The following ZNF738 variants were observed in gnomAD, a reference collection of about 807,000 sequenced individuals.
The protein encoded by ZNF738 is protein ZNF738.
Under a neutral mutation model 9.2 loss-of-function variants are expected in ZNF738, and 10 were observed. The ratio of observed to expected loss-of-function variants is 1.09; its 90% CI spans 0.67 to 1.85. ZNF738 has a LOEUF of 1.85. Ranked by LOEUF, ZNF738 falls within the 40% of genes most tolerant of loss-of-function variation. ZNF738 has a pLI of 0.00. For missense variants in ZNF738, 346 were observed against 283.6 expected, an observed-to-expected ratio of 1.22 and a Z score of -1.58; for synonymous variants, 113 against 94.5, an observed-to-expected ratio of 1.20 and a Z score of -1.14.
chr19:21,385,328 C>T lies in ZNF738; in HGVS notation c.*1654C>T, dbSNP rs1172269996. Among the ~76,000 whole-genome samples the T allele has an allele frequency of 6.6e-6, 1 of 152,110 alleles. No individual in the cohort carries two copies. Among genetic ancestry groups the T allele is most frequent in the African/African-American group, 2.4e-5 (1 of 41,430 alleles). ...AAAATTAGCCAGGTGTAGTGGTGCA[C>T]ACCTGTAGTCCCAGCTACTCTGGAG... is the stretch of plus-strand genomic sequence containing the variant. On this transcript the variant is annotated 3_prime_UTR_variant, in exon 5 of 5. Transcript: ENST00000683779.
At position 21,383,392 on chromosome 19, in the gene ZNF738, TGCTGG is replaced by T; in HGVS notation, c.847_851del (p.Ala283ArgfsTer7). On this transcript the variant is annotated frameshift_variant, in exon 5 of 5. Coordinates refer to ENST00000683779, the MANE Select transcript of ZNF738 (RefSeq NM_001355237.2). LOFTEE classifies it low-confidence loss of function (END_TRUNC). ...CTCTTACTAGACATAAGGTAATTCA[TGCTGG>T]AGAGAAACACTACAAATGTGAAAAA... 2 of 618,124 alleles carry T rather than the reference TGCTGG, an allele frequency of 3.2e-6. No individual in the cohort carries two copies. The highest frequency in any genetic ancestry group is 5.3e-6 in the Non-Finnish European group (2 of 374,466). 38.3% of individuals were successfully genotyped at this position (618,124 alleles called of 1,614,324 possible).
At chr19:21,376,932 A>G (rs893189446) in intron 4 of ZNF738, among the ~76,000 whole-genome samples, 4 of 152,176 alleles carry the variant, frequency 2.6e-5, no homozygotes, top group African/African-American at 4.8e-5. Context: ...CAGGTGGTCT[A>G]TCAAAGAGAA....
rs909398465 is a variant in ZNF738 at position 21,388,172 on chromosome 19, G to T, written c.*4498G>T. On this transcript the variant is annotated 3_prime_UTR_variant, in exon 5 of 5. Transcript: ENST00000683779. ...GTATATAAATTTAAGAGGAGTAAAAGATTTTTTGCAGAGTAATAACTACAT... is the reference window on the plus strand; with the variant it reads ...GTATATAAATTTAAGAGGAGTAAAATATTTTTTGCAGAGTAATAACTACAT... 6.6e-6 allele frequency among the ~76,000 whole-genome samples: 1 copy of T among 152,078 alleles called. No homozygotes were observed. Among genetic ancestry groups the T allele is most frequent in the African/African-American group, 2.4e-5 (1 of 41,428 alleles).
intron 4 of ZNF738, among the ~76,000 whole-genome samples, chr19:21,382,187 T>A (rs2145242448): frequency 6.7e-6 from 1 of 150,154 alleles, no homozygotes; most frequent in Non-Finnish European, 1.5e-5. Flanking sequence ...TGCCTCAGCC[T>A]CTTGAGTAGC....
chr19:21,385,572 G>A lies in ZNF738; in HGVS notation c.*1898G>A, dbSNP rs1306940189. Among the ~76,000 whole-genome samples the A allele has an allele frequency of 6.6e-6, 1 of 152,146 alleles. No homozygotes were observed. The highest frequency in any genetic ancestry group is 6.5e-5 in the Admixed American group (1 of 15,280). ...AGTCCTCACACCTTACTGCACATAAGAGAAATCATACTGGAAGGAAACCCT... is the reference window on the plus strand; with the variant it reads ...AGTCCTCACACCTTACTGCACATAAAAGAAATCATACTGGAAGGAAACCCT... On this transcript the variant is annotated 3_prime_UTR_variant, in exon 5 of 5. Transcript: ENST00000683779.
intron 1 of ZNF738, among the ~76,000 whole-genome samples, chr19:21,361,171 C>G (rs1460549592): frequency 1.3e-5 from 2 of 151,258 alleles, no homozygotes; most frequent in African/African-American, 4.9e-5. Flanking sequence ...GAGTTTTGCT[C>G]TTGTTGCCCA....
In ZNF738 at chr19:21,387,785, G is replaced by T. The variant is rs1974084219; in HGVS notation, c.*4111G>T. On this transcript the variant is annotated 3_prime_UTR_variant, in exon 5 of 5. Transcript: ENST00000683779. ...GATGGACATTACAAACATAAAGAGGGTTGTAGTACCTTTACTTGAATCAAA... is the reference window on the plus strand; with the variant it reads ...GATGGACATTACAAACATAAAGAGGTTTGTAGTACCTTTACTTGAATCAAA... Among the ~76,000 whole-genome samples, 2 of 152,142 alleles carry T rather than the reference G, an allele frequency of 1.3e-5. No individual in the cohort carries two copies. The highest frequency in any genetic ancestry group is 2.9e-5 in the Non-Finnish European group (2 of 68,028).
chr19:21,375,961 C>A lies in ZNF738; in HGVS notation c.316C>A (p.Pro106Thr). Residue 106 changes from proline (P) to threonine (T), a missense_variant, in exon 4 of 5, where the codon CCA (proline) becomes ACA (threonine). Coordinates refer to ENST00000683779, the MANE Select transcript of ZNF738 (RefSeq NM_001355237.2). Reference protein sequence around the residue: ...MKRHSMVATPPVTYSHFAQDL... With the variant: ...MKRHSMVATPTVTYSHFAQDL... ...GAGACACAGTATGGTAGCCACACCCCCAGGTAGGTGAGAGTGAATAAAACA... is the reference window on the plus strand; with the variant it reads ...GAGACACAGTATGGTAGCCACACCCACAGGTAGGTGAGAGTGAATAAAACA... 2 of 762,694 alleles carry A rather than the reference C, an allele frequency of 2.6e-6. No individual in the cohort carries two copies. The highest frequency in any genetic ancestry group is 1.4e-5 in the South Asian group (1 of 69,910). 47.2% of individuals were successfully genotyped at this position (762,694 alleles called of 1,614,324 possible).
rs1232306147 is a variant in ZNF738, at chr19:21,383,309, A to C, written c.763A>C (p.Thr255Pro). ...STLTRHKRIHTGDKSYKHEEC... is the reference protein window; with the variant it reads ...STLTRHKRIHPGDKSYKHEEC... ...CCTTACTAGACACAAGAGAATTCAT[A>C]CTGGAGACAAATCCTACAAACATGA... Residue 255 changes from threonine to proline, a missense_variant, in exon 5 of 5, where the codon ACT (threonine) becomes CCT (proline). By Grantham distance (38) the Thr-to-Pro change is conservative. Transcript: ENST00000683779. 1.3e-6 allele frequency: 2 copies of C among 1,495,404 alleles called. No homozygotes were observed. Among genetic ancestry groups the C allele is most frequent in the Non-Finnish European group, 1.8e-6 (2 of 1,086,016 alleles). The allele number at this position is 1,495,404 out of a possible 1,614,324, so 92.6% of individuals were successfully genotyped here. A position where few individuals can be genotyped will look rare whatever the true frequency, so the allele number is the denominator to read the frequency against.
intron 2 of ZNF738, among the ~76,000 whole-genome samples, chr19:21,367,339 A>G (rs1036898908): frequency 1.3e-5 from 2 of 152,154 alleles, no homozygotes; most frequent in African/African-American, 4.8e-5. Flanking sequence ...TGAACTTGAG[A>G]AAGGGCTCAG....
At chr19:21,369,602 G>A (rs1023179818) in intron 2 of ZNF738, among the ~76,000 whole-genome samples, 21 of 152,186 alleles carry the variant, frequency 1.4e-4, no homozygotes, top group African/African-American at 5.1e-4. Flanking sequence ...CATAGTGCTA[G>A]CTAGTTATTC....
At chr19:21,366,946 G>A (rs1214277338) in intron 2 of ZNF738, among the ~76,000 whole-genome samples, 2 of 152,070 alleles carry the variant, frequency 1.3e-5, no homozygotes, top group Non-Finnish European at 2.9e-5. Context: ...ATCTCATCTT[G>A]TGACTTAGAA....
chr19:21,372,189 A>G (rs1478408948), intron 2 of ZNF738: 1 of 152,098 alleles, frequency 6.6e-6, no homozygotes, highest in Non-Finnish European at 1.5e-5. Context: ...TGACCTACCT[A>G]CCTCGACCTC....
At chr19:21,360,370 A>T (rs1235729533) in intron 1 of ZNF738, 1 of 152,228 alleles carries the variant, frequency 6.6e-6, no homozygotes. Context: ...GCAGTAAGAT[A>T]CTAAATTTCC....
chr19:21,381,017 G>C (rs763278545), intron 4 of ZNF738, among the ~76,000 whole-genome samples: 27 of 152,142 alleles, frequency 1.8e-4, no homozygotes, highest in Non-Finnish European at 3.4e-4. Flanking sequence ...GAGAGTGATG[G>C]CTTCTCATTT....
chr19:21,364,121 C>T (rs527297768), intron 2 of ZNF738, among the ~76,000 whole-genome samples: 15 of 138,912 alleles, frequency 1.1e-4, no homozygotes, highest in African/African-American at 2.2e-4. Context: ...TGTTTGAACC[C>T]GGGAGATGGA....
Position 21,385,163 on chromosome 19 carries a change from A to G in ZNF738, c.*1489A>G, listed in dbSNP as rs11673304. 0.56 allele frequency among the ~76,000 whole-genome samples: 79,354 copies of G among 142,208 alleles called. 21,844 individuals are homozygous for G. Among genetic ancestry groups the G allele is most frequent in the African/African-American group, 0.66 (24,897 of 37,856 alleles). The allele number at this position is 142,208 out of a possible 152,430, so 93.3% of individuals were successfully genotyped here. On this transcript the variant is annotated 3_prime_UTR_variant, in exon 5 of 5. Transcript: ENST00000683779. ...CAATGGTCCTCTACCCTTACTAAAG[A>G]TAAAAGAGTTTGACTGGGTGCGGTG...
intron 3 of ZNF738, among the ~76,000 whole-genome samples, chr19:21,375,625 A>G (rs1266660583): frequency 1.3e-5 from 2 of 152,160 alleles, no homozygotes; most frequent in Non-Finnish European, 2.9e-5. Context: ...AGTATAAAAT[A>G]TTGTTGCCCA....
rs746089379 is a variant in ZNF738, at chr19:21,375,197, G to A, written c.97-41G>A. The A allele has an allele frequency of 1.3e-5, 12 of 900,856 alleles. No individual in the cohort carries two copies. In the East Asian group the frequency reaches 1.4e-4, roughly 11 times the overall value. The allele number at this position is 900,856 out of a possible 1,614,324, so 55.8% of individuals were successfully genotyped here. A position where few individuals can be genotyped will look rare whatever the true frequency, so the allele number is the denominator to read the frequency against. On this transcript the variant is annotated intron_variant, in intron 2 of 4. Coordinates refer to ENST00000683779, the MANE Select transcript of ZNF738 (RefSeq NM_001355237.2). ...TTAATTCAAATGATAAATTCTGCCCGTGGACACTTGTAAATATGTGTGTGT... is the reference window on the plus strand; with the variant it reads ...TTAATTCAAATGATAAATTCTGCCCATGGACACTTGTAAATATGTGTGTGT...
Sources: allele counts gnomAD v4.1 joint callset (sites outside exome capture counted in the v4.1 genomes callset), GRCh38; gene constraint gnomAD v4.1.1; transcripts MANE v1.5; gene names NCBI Gene and HGNC (gene_info 2026-07-23, HGNC 2026-07-21).